The following FSHR variants were observed in gnomAD, a reference collection of about 807,000 sequenced individuals.
The protein encoded by FSHR is follicle stimulating hormone receptor.
FSHR carries 46 observed loss-of-function variants against 52.1 expected under a neutral mutation model. The ratio of observed to expected loss-of-function variants is 0.88; its 90% CI spans 0.70 to 1.13. The LOEUF is 1.13. Ranked by LOEUF, FSHR falls within the 50% of genes most tolerant of loss-of-function variation. FSHR has a pLI of 0.00. For synonymous variants in FSHR, 399 were observed against 309.6 expected (o/e 1.29, Z -3.03); for missense variants, 964 against 834.6 (o/e 1.16, Z -1.91).
chr2:49,033,742 C>T (rs1342201355), intron 2 of FSHR, among the ~76,000 whole-genome samples: 3 of 152,220 alleles, frequency 2.0e-5, no homozygotes, highest in East Asian at 3.9e-4. Context: ...AATCATTTAC[C>T]CCCAAGTGCC....
chr2:49,081,099 C>T (rs1385532271), intron 1 of FSHR, among the ~76,000 whole-genome samples: 1 of 152,132 alleles, frequency 6.6e-6, no homozygotes, highest in African/African-American at 2.4e-5. Flanking sequence ...TTGTGTTCCT[C>T]CTCCTGCCCC....
chr2:49,030,605 G>A (rs1285291308), intron 2 of FSHR, among the ~76,000 whole-genome samples: 1 of 152,108 alleles, frequency 6.6e-6, no homozygotes, highest in Non-Finnish European at 1.5e-5. Context: ...GGCTGCTTTT[G>A]TATTTGAGTC....
rs1034320432 is a variant in FSHR, at chr2:49,011,117, T to C, written c.374+6372A>G. Among the ~76,000 whole-genome samples, 19 of 151,462 alleles carry C rather than the reference T, an allele frequency of 1.3e-4. 1 individual carries two copies. Among genetic ancestry groups the C allele is most frequent in the Admixed American group, 8.6e-4 (13 of 15,160 alleles). On this transcript the variant is annotated intron_variant, in intron 4 of 9. Coordinates refer to ENST00000406846, the MANE Select transcript of FSHR (RefSeq NM_000145.4). ...GCTTTTCTAGTTCTTTTAATTTTGA[T>C]GTTAGGGTGTCAATTTTGGATCTTT...
intron 2 of FSHR, among the ~76,000 whole-genome samples, chr2:49,050,195 T>C (rs1039697289): frequency 6.6e-6 from 1 of 152,210 alleles, no homozygotes; most frequent in African/African-American, 2.4e-5. Context: ...AACTGCTTAA[T>C]TGGCCCAAAT....
intron 8 of FSHR, among the ~76,000 whole-genome samples, chr2:48,975,441 C>A (rs1674942494): frequency 6.6e-6 from 1 of 152,158 alleles, no homozygotes; most frequent in Admixed American, 6.6e-5. Flanking sequence ...TCTACTTACT[C>A]CCCAGTGCAT....
chr2:49,057,229 T>A (rs1226575133), intron 2 of FSHR, among the ~76,000 whole-genome samples: 1 of 152,074 alleles, frequency 6.6e-6, no homozygotes, highest in Non-Finnish European at 1.5e-5. Flanking sequence ...AAATAAAAAG[T>A]TGCTTTTCTG....
chr2:49,134,832 G>A (rs925232057), intron 1 of FSHR, among the ~76,000 whole-genome samples: 3 of 151,986 alleles, frequency 2.0e-5, no homozygotes, highest in East Asian at 1.9e-4. Context: ...ACCAAACACC[G>A]CATATTCTCA....
At chr2:49,104,481 C>G (rs1308699648) in intron 1 of FSHR, among the ~76,000 whole-genome samples, 1 of 152,124 alleles carries the variant, frequency 6.6e-6, no homozygotes, top group Non-Finnish European at 1.5e-5. Flanking sequence ...TCCATCAAGG[C>G]TTTTCTTTTA....
chr2:49,131,279 A>G (rs1461248029), intron 1 of FSHR, among the ~76,000 whole-genome samples: 2 of 152,206 alleles, frequency 1.3e-5, no homozygotes, highest in Admixed American at 1.3e-4. Context: ...TAATTCTAGG[A>G]AAAGTTATTT....
At chr2:49,119,076 C>T (rs530965095) in intron 1 of FSHR, among the ~76,000 whole-genome samples, 2 of 152,294 alleles carry the variant, frequency 1.3e-5, no homozygotes, top group South Asian at 4.1e-4. Flanking sequence ...GTTACATGGG[C>T]AGTGGACATC....
At chr2:48,983,550 C>G (rs1445712895) in intron 6 of FSHR, among the ~76,000 whole-genome samples, 1 of 152,162 alleles carries the variant, frequency 6.6e-6, no homozygotes, top group African/African-American at 2.4e-5. Flanking sequence ...AATTATTGAA[C>G]AAGTGTTTAT....
intron 2 of FSHR, among the ~76,000 whole-genome samples, chr2:49,066,756 C>T (rs1435876855): frequency 6.6e-6 from 1 of 152,096 alleles, no homozygotes; most frequent in Non-Finnish European, 1.5e-5. Flanking sequence ...AGGGGTCATT[C>T]ACACTTGCTG....
intron 2 of FSHR, among the ~76,000 whole-genome samples, chr2:49,026,316 C>T (rs1186592380): frequency 6.6e-6 from 1 of 152,218 alleles, no homozygotes; most frequent in Non-Finnish European, 1.5e-5. Flanking sequence ...TTGTTTCCCT[C>T]AGTAGATGAG....
Position 48,963,586 on chromosome 2 carries a change from C to T in FSHR, c.1235G>A (p.Gly412Glu), listed in dbSNP as rs748366387. 1.2e-6 allele frequency: 2 copies of T among 1,614,038 alleles called. No individual in the cohort carries two copies. Among genetic ancestry groups the T allele is most frequent in the Admixed American group, 1.7e-5 (1 of 60,000 alleles). The change falls in exon 10 of 10, where the codon GGA (glycine) becomes GAA (glutamate). Residue 412 changes from glycine (G) to glutamate (E), a missense_variant. Physicochemically the swap from Gly to Glu is moderately conservative, Grantham distance 98. Transcript: ENST00000406846. ...CNLAFADLCI[G>E]IYLLLIASVD... ...TGATGCAATGAGCAGCAGGTAGATT[C>T]CAATGCAGAGATCAGCAAAGGCCAG...
rs372000666 is a variant in FSHR at position 48,975,518 on chromosome 2, C to A, written c.669-6635G>T. On this transcript the variant is annotated intron_variant, in intron 8 of 9. Coordinates refer to ENST00000406846, the MANE Select transcript of FSHR (RefSeq NM_000145.4). ...TGGACTGAGAATTAGATGGCCTCCCCGGTTCTGAAGCTTTCAAGTTTGGAC... is the reference window on the plus strand; with the variant it reads ...TGGACTGAGAATTAGATGGCCTCCCAGGTTCTGAAGCTTTCAAGTTTGGAC... 4.8e-3 allele frequency among the ~76,000 whole-genome samples: 735 copies of A among 152,222 alleles called. 9 individuals are homozygous for A. The highest frequency in any genetic ancestry group is 0.017 in the African/African-American group (699 of 41,540).
intron 1 of FSHR, among the ~76,000 whole-genome samples, chr2:49,075,546 C>T (rs940573200): frequency 2.6e-5 from 4 of 152,040 alleles, no homozygotes; most frequent in East Asian, 3.9e-4. Flanking sequence ...AAAAAAAGCA[C>T]CCAAACAATT....
At chr2:49,027,534 G>A (rs1004635151) in intron 2 of FSHR, among the ~76,000 whole-genome samples, 1 of 152,106 alleles carries the variant, frequency 6.6e-6, no homozygotes, top group African/African-American at 2.4e-5. Flanking sequence ...GAAAGCAAAT[G>A]GAATTGAAAG....
chr2:49,145,827 T>C (rs2103849276), intron 1 of FSHR, among the ~76,000 whole-genome samples: 1 of 152,186 alleles, frequency 6.6e-6, no homozygotes. Context: ...CAAAGAAAAC[T>C]TCATGAAAAA....
intron 2 of FSHR, among the ~76,000 whole-genome samples, chr2:49,047,921 C>A (rs1468288035): frequency 6.6e-6 from 1 of 152,094 alleles, no homozygotes; most frequent in Admixed American, 6.6e-5. Context: ...CTTTGTTGTC[C>A]AGGCTGGAGT....
Sources: gnomAD v4.1 joint callset for allele counts (sites outside exome capture counted in the v4.1 genomes callset) on GRCh38, gnomAD v4.1.1 for gene constraint, MANE v1.5 for transcripts, NCBI Gene and HGNC (gene_info 2026-07-23, HGNC 2026-07-21) for gene names.